AGL: variants seen among roughly 807,000 people sequenced by gnomAD.
AGL encodes amylo-alpha-1,6-glucosidase and 4-alpha-glucanotransferase, also known as glycogen debranching enzyme.
Under a neutral mutation model 199.3 loss-of-function variants are expected in AGL, and 128 were observed. The ratio of observed to expected loss-of-function variants is 0.64; its 90% CI spans 0.56 to 0.74. AGL has a LOEUF of 0.74. AGL is among the 30% of genes least tolerant of loss of function. The pLI, the probability that AGL is intolerant of heterozygous loss-of-function variation, is 0.00. For missense variants in AGL, 1,809 were observed against 1,820.8 expected (o/e 0.99, Z 0.12); for synonymous variants, 584 against 594.7 (o/e 0.98, Z 0.26).
intron 23 of AGL, 142 bp from the exon 24 acceptor site, chr1:99,892,290 C>G (rs1652954480): frequency 1.3e-6 from 1 of 793,874 alleles, no homozygotes. Context: ...TGAAATCTAA[C>G]CAAAGTTTTA....
intron 24 of AGL, among the ~76,000 whole-genome samples, chr1:99,895,392 A>T (rs1377473950): frequency 1.3e-5 from 2 of 152,182 alleles, no homozygotes; most frequent in African/African-American, 2.4e-5. Context: ...AGAATGAAGG[A>T]TTTAATGTGC....
intron 5 of AGL, among the ~76,000 whole-genome samples, chr1:99,867,588 T>A (rs542292427): frequency 6.6e-6 from 1 of 151,718 alleles, no homozygotes; most frequent in South Asian, 2.1e-4. Flanking sequence ...CGGAGTCTCC[T>A]TCTGTCGCCC....
intron 25 of AGL, among the ~76,000 whole-genome samples, chr1:99,897,279 C>A (rs1286173700): frequency 6.6e-6 from 1 of 152,188 alleles, no homozygotes. Context: ...CTATGCCAAA[C>A]CTCCCAAATC....
chr1:99,876,467 T>C lies in AGL; in HGVS notation c.1293T>C (p.Thr431=), dbSNP rs750734739. 1.9e-6 allele frequency: 3 copies of C among 1,597,628 alleles called. No homozygotes were observed. The East Asian group carries it at 6.7e-5, about 36-fold the overall frequency. ...RKHPLVTRYF[T]FPFEEIDFSM... is the part of the protein sequence containing the mutation. ...AATTATATTTTCATAGGTATTTTACTTTCCCATTTGAAGAGATAGACTTCT... is the reference window on the plus strand; with the variant it reads ...AATTATATTTTCATAGGTATTTTACCTTCCCATTTGAAGAGATAGACTTCT... Residue 431 remains threonine, a synonymous_variant, in exon 11 of 34, where the codon ACT becomes ACC. Coordinates refer to ENST00000361915, the MANE Select transcript of AGL (RefSeq NM_000642.3).
chr1:99,908,721 A>G (rs1041772740), intron 27 of AGL, among the ~76,000 whole-genome samples: 3 of 151,968 alleles, frequency 2.0e-5, no homozygotes, highest in Non-Finnish European at 4.4e-5. Context: ...AGACCTTTGG[A>G]TGTTATAGGA....
chr1:99,908,371 G>A (rs1168218695), intron 27 of AGL, among the ~76,000 whole-genome samples: 1 of 152,128 alleles, frequency 6.6e-6, no homozygotes, highest in African/African-American at 2.4e-5. Flanking sequence ...ATAGGCCTCT[G>A]TGTCTGTCTT....
In AGL at chr1:99,896,418, G is replaced by A. The variant is rs111986720; in HGVS notation, c.3362+30G>A. ...GAGAGCCTCTAAAGTGTTGTACTGCGAGTTTATGTCTGAATGTCTTTTACA... is the reference window on the plus strand; with the variant it reads ...GAGAGCCTCTAAAGTGTTGTACTGCAAGTTTATGTCTGAATGTCTTTTACA... On this transcript the variant is annotated intron_variant, in intron 25 of 33. Transcript: ENST00000361915. 1.9e-4 allele frequency: 284 copies of A among 1,498,666 alleles called. No homozygotes were observed. In the Middle Eastern group the frequency reaches 2.1e-3, roughly 11 times the overall value. The allele number at this position is 1,498,666 out of a possible 1,614,324, so 92.8% of individuals were successfully genotyped here. A position where few individuals can be genotyped will look rare whatever the true frequency, so the allele number is the denominator to read the frequency against.
intron 33 of AGL, 148 bp downstream of exon 33, chr1:99,916,879 TC>T: frequency 3.4e-6 from 3 of 879,178 alleles, no homozygotes; most frequent in Non-Finnish European, 5.2e-6. Flanking sequence ...CATGACAAAT[TC>T]TGTTATATAA....
intron 30 of AGL, among the ~76,000 whole-genome samples, chr1:99,915,069 A>G (rs1010410027): frequency 6.6e-6 from 1 of 152,038 alleles, no homozygotes; most frequent in Non-Finnish European, 1.5e-5. Flanking sequence ...ACAGAGTGAG[A>G]CCCTGTCTCC....
intron 7 of AGL, among the ~76,000 whole-genome samples, chr1:99,873,096 C>A (rs1651165916): frequency 6.6e-6 from 1 of 152,012 alleles, no homozygotes. Flanking sequence ...TCATATCATG[C>A]TTAGAAAAGA....
At chr1:99,877,324 T>C (rs916586305) in intron 11 of AGL, among the ~76,000 whole-genome samples, 2 of 152,214 alleles carry the variant, frequency 1.3e-5, no homozygotes, top group Non-Finnish European at 2.9e-5. Context: ...GAGTTTTAAA[T>C]GTTTTTGGTA....
Position 99,875,371 on chromosome 1 carries a change from T to G in AGL, c.1199T>G (p.Leu400Arg). Residue 400 changes from leucine to arginine, a missense_variant, in exon 10 of 34, where the codon CTT becomes CGT. Leu to Arg is a moderately radical substitution (Grantham distance 102, BLOSUM62 -2). Coordinates refer to ENST00000361915, the MANE Select transcript of AGL (RefSeq NM_000642.3). ...NYHQEQAVNC[L>R]LGNVFYERLA... is the part of the protein sequence containing the mutation. The stretch of plus-strand genomic sequence containing the variant: ...AATGTTTTTCAGGCAGTTAATTGCC[T>G]TTTGGGAAATGTGTTTTATGAACGA... 2.5e-6 allele frequency: 4 copies of G among 1,614,144 alleles called. No homozygotes were observed. The highest frequency in any genetic ancestry group is 3.4e-6 in the Non-Finnish European group (4 of 1,180,004).
At chr1:99,854,740 G>A (rs1040040571) in intron 2 of AGL, among the ~76,000 whole-genome samples, 1 of 151,096 alleles carries the variant, frequency 6.6e-6, no homozygotes, top group South Asian at 2.1e-4. Context: ...CTCCAGCCTG[G>A]GTGACAGAGC....
intron 2 of AGL, among the ~76,000 whole-genome samples, chr1:99,859,113 C>T (rs895483307): frequency 2.6e-5 from 4 of 152,250 alleles, no homozygotes; most frequent in South Asian, 4.2e-4. Flanking sequence ...CACATATACC[C>T]AGACAGCTAA....
intron 2 of AGL, among the ~76,000 whole-genome samples, chr1:99,857,847 A>AGGGAGACC (rs1649685231): frequency 1.2e-4 from 1 of 8,222 alleles, no homozygotes. Flanking sequence ...GGGGAGGGGG[A>AGGGAGACC]GGGGGGAAGA....
rs887721829 is a variant in AGL at position 99,922,773 on chromosome 1, A to C, written c.*1122A>C. The stretch of plus-strand genomic sequence containing the variant: ...TAAGAAAACAGTTAAATCATTATGC[A>C]TTCAGTTGGAAGAAAGTAGTGGCAA... On this transcript the variant is annotated 3_prime_UTR_variant, in exon 34 of 34. Coordinates refer to ENST00000361915, the MANE Select transcript of AGL (RefSeq NM_000642.3). 4 of 152,020 alleles carry C rather than the reference A, an allele frequency of 2.6e-5. No individual in the cohort carries two copies. Among genetic ancestry groups the C allele is most frequent in the African/African-American group, 9.7e-5 (4 of 41,428 alleles). The allele number at this position is 152,020 out of a possible 1,614,324, so 9.4% of individuals were successfully genotyped here.
chr1:99,888,315 A>T (rs566477997), intron 21 of AGL, among the ~76,000 whole-genome samples: 2 of 152,316 alleles, frequency 1.3e-5, no homozygotes, highest in Admixed American at 1.3e-4. Flanking sequence ...AATATTATCT[A>T]ATTTAGAAGG....
chr1:99,858,160 A>T (rs893455943), intron 2 of AGL, among the ~76,000 whole-genome samples: 4 of 152,202 alleles, frequency 2.6e-5, no homozygotes, highest in Admixed American at 2.0e-4. Context: ...TTGTAAGGAG[A>T]GGTAGAGTAA....
intron 27 of AGL, among the ~76,000 whole-genome samples, chr1:99,905,486 A>G (rs1237687833): frequency 1.3e-5 from 2 of 152,144 alleles, no homozygotes; most frequent in African/African-American, 4.8e-5. Context: ...CCTAATGGCT[A>G]ATGGTATGGA....
Sources: gnomAD v4.1 joint callset for allele counts (sites outside exome capture counted in the v4.1 genomes callset) on GRCh38, gnomAD v4.1.1 for gene constraint, MANE v1.5 for transcripts, NCBI Gene and HGNC (gene_info 2026-07-23, HGNC 2026-07-21) for gene names.